The following ATP8B4 variants were observed in gnomAD, a reference collection of about 807,000 sequenced individuals.
ATP8B4 encodes probable phospholipid-transporting ATPase IM.
Under a neutral mutation model 145.6 loss-of-function variants are expected in ATP8B4, and 133 were observed. That is an observed-to-expected ratio of 0.91 (90% CI 0.79 to 1.05). The LOEUF (loss-of-function observed/expected upper bound fraction) is 1.05, where lower values mean the gene tolerates loss of function less well. ATP8B4 is among the 50% of genes least tolerant of loss of function. The pLI, the probability that ATP8B4 is intolerant of heterozygous loss-of-function variation, is 0.00. For missense variants in ATP8B4, 1,458 were observed against 1,425.2 expected, an observed-to-expected ratio of 1.02 and a Z score of -0.37; for synonymous variants, 507 against 492.9, an observed-to-expected ratio of 1.03 and a Z score of -0.38.
chr15:50,034,308 G>A (rs1481772805), intron 6 of ATP8B4, among the ~76,000 whole-genome samples: 1 of 146,750 alleles, frequency 6.8e-6, no homozygotes, highest in African/African-American at 2.5e-5. Context: ...TCGGCCCACT[G>A]CAACCTCCCC....
intron 14 of ATP8B4, among the ~76,000 whole-genome samples, chr15:49,942,641 G>A (rs904836884): frequency 2.6e-5 from 4 of 151,890 alleles, no homozygotes; most frequent in Non-Finnish European, 5.9e-5. Flanking sequence ...AAAAAAACAT[G>A]GTGAAACCCG....
chr15:50,126,283 C>A (rs1293775177), intron 1 of ATP8B4, among the ~76,000 whole-genome samples: 1 of 151,440 alleles, frequency 6.6e-6, no homozygotes, highest in African/African-American at 2.4e-5. Flanking sequence ...TCAGAGGCGT[C>A]CAAGGCCTTT....
chr15:49,861,210 C>A (rs139719385), intron 27 of ATP8B4, among the ~76,000 whole-genome samples: 1 of 152,208 alleles, frequency 6.6e-6, no homozygotes, highest in East Asian at 1.9e-4. Context: ...CAGAACATCA[C>A]GATCAAACTT....
chr15:49,970,147 A>G (rs1352628713), intron 13 of ATP8B4, among the ~76,000 whole-genome samples: 1 of 152,204 alleles, frequency 6.6e-6, no homozygotes, highest in African/African-American at 2.4e-5. Flanking sequence ...TATTTATGAC[A>G]AACCCACAGC....
chr15:50,045,985 G>C (rs2051686438), intron 4 of ATP8B4, among the ~76,000 whole-genome samples: 2 of 152,158 alleles, frequency 1.3e-5, no homozygotes, highest in South Asian at 2.1e-4. Flanking sequence ...TTCATTGTTT[G>C]TTTTTGTTTT....
chr15:49,932,270 G>A (rs1271251066), intron 15 of ATP8B4, among the ~76,000 whole-genome samples: 13 of 151,780 alleles, frequency 8.6e-5, no homozygotes. Context: ...ATATATTTAT[G>A]AGCCAGAGGA....
chr15:49,941,809 G>A (rs926172540), intron 14 of ATP8B4, among the ~76,000 whole-genome samples: 1 of 152,138 alleles, frequency 6.6e-6, no homozygotes, highest in Non-Finnish European at 1.5e-5. Flanking sequence ...ATCAACTGAT[G>A]AGTAAATAAA....
intron 14 of ATP8B4, among the ~76,000 whole-genome samples, chr15:49,958,245 C>A (rs1052103238): frequency 6.6e-6 from 1 of 150,590 alleles, no homozygotes; most frequent in Non-Finnish European, 1.5e-5. Flanking sequence ...AAACTACATG[C>A]CAAAATATAT....
chr15:50,071,884 A>G (rs917391773), intron 3 of ATP8B4, among the ~76,000 whole-genome samples: 6 of 152,160 alleles, frequency 3.9e-5, no homozygotes, highest in Non-Finnish European at 7.3e-5. Context: ...ATTGTTCTAC[A>G]ATGAGAAATC....
At chr15:50,090,064 G>T (rs878978841) in intron 2 of ATP8B4, among the ~76,000 whole-genome samples, 2 of 152,128 alleles carry the variant, frequency 1.3e-5, no homozygotes, top group Non-Finnish European at 2.9e-5. Flanking sequence ...CCTGTGCAGG[G>T]ACACGGATGG....
At chr15:50,032,533 A>T (rs1282465375) in intron 6 of ATP8B4, among the ~76,000 whole-genome samples, 1 of 152,180 alleles carries the variant, frequency 6.6e-6, no homozygotes, top group African/African-American at 2.4e-5. Context: ...GACTTATAAT[A>T]CTTTGGGCAA....
chr15:50,094,865 T>C (rs930698332), intron 2 of ATP8B4, among the ~76,000 whole-genome samples: 3 of 152,042 alleles, frequency 2.0e-5, no homozygotes, highest in African/African-American at 7.2e-5. Context: ...GCGAGCTCAG[T>C]GAGCCATAAG....
In ATP8B4 at chr15:49,901,250, A is replaced by G; in HGVS notation, c.2142-11T>C. The G allele has an allele frequency of 1.2e-6, 2 of 1,611,562 alleles. No individual in the cohort carries two copies. The highest frequency in any genetic ancestry group is 8.5e-7 in the Non-Finnish European group (1 of 1,178,450). Reference sequence around the variant, plus strand: ...TTTTGTTTTGCTTTCCTTAAAGGAGAGGGTGAAAAGTGAAACATAACAAAG... The same window carrying G: ...TTTTGTTTTGCTTTCCTTAAAGGAGGGGGTGAAAAGTGAAACATAACAAAG... On this transcript the variant is annotated splice_polypyrimidine_tract_variant and intron_variant, in intron 20 of 27. Transcript: ENST00000284509.
chr15:50,042,113 C>A (rs1440977644), intron 5 of ATP8B4, among the ~76,000 whole-genome samples: 1 of 151,304 alleles, frequency 6.6e-6, no homozygotes, highest in Non-Finnish European at 1.5e-5. Flanking sequence ...CGAGATCATG[C>A]CACTGCACTC....
chr15:49,926,551 T>C (rs547713556), intron 16 of ATP8B4, among the ~76,000 whole-genome samples: 1 of 152,240 alleles, frequency 6.6e-6, no homozygotes, highest in South Asian at 2.1e-4. Context: ...TCTATTAAGT[T>C]TGGACTCCTT....
At chr15:50,115,956 T>C (rs2057148595) in intron 1 of ATP8B4, among the ~76,000 whole-genome samples, 2 of 152,214 alleles carry the variant, frequency 1.3e-5, no homozygotes, top group Admixed American at 1.3e-4. Flanking sequence ...CTCTTTTCCA[T>C]TATCCTTGTT....
At chr15:50,072,044 ATT>A (rs2053775338) in intron 3 of ATP8B4, among the ~76,000 whole-genome samples, 14 of 147,644 alleles carry the variant, frequency 9.5e-5, no homozygotes, top group Admixed American at 6.0e-4. Flanking sequence ...AAATATTAAT[ATT>A]AATTAATTAA....
chr15:49,961,578 A>G (rs2044081246), intron 14 of ATP8B4, among the ~76,000 whole-genome samples: 1 of 152,216 alleles, frequency 6.6e-6, no homozygotes, highest in Non-Finnish European at 1.5e-5. Context: ...TGGAACATCA[A>G]TATAACAAAA....
At chr15:50,001,727 T>C (rs2047908054) in intron 8 of ATP8B4, among the ~76,000 whole-genome samples, 1 of 152,168 alleles carries the variant, frequency 6.6e-6, no homozygotes, top group East Asian at 1.9e-4. Context: ...TGCATCATAT[T>C]CTGTTTCTCT....
Sources: allele counts gnomAD v4.1 joint callset (sites outside exome capture counted in the v4.1 genomes callset), GRCh38; gene constraint gnomAD v4.1.1; transcripts MANE v1.5; gene names NCBI Gene and HGNC (gene_info 2026-07-23, HGNC 2026-07-21).